Variants in FHIT observed in about 807,000 individuals in gnomAD.
The protein encoded by FHIT is bis(5'-adenosyl)-triphosphatase.
In FHIT, 19 loss-of-function variants were observed where a neutral mutation model predicts 17.9. The observed-to-expected ratio is 1.06, with a 90% CI of 0.74 to 1.56. The LOEUF (loss-of-function observed/expected upper bound fraction) is 1.56, where lower values mean the gene tolerates loss of function less well. Ranked by LOEUF, FHIT falls within the 40% of genes most tolerant of loss-of-function variation. The pLI is 0.00. For synonymous variants in FHIT, 81 were observed against 69.7 expected, an observed-to-expected ratio of 1.16 and a Z score of -0.81; for missense variants, 248 against 189.2, an observed-to-expected ratio of 1.31 and a Z score of -1.82.
chr3:60,424,388 T>C (rs947889334), intron 5 of FHIT, among the ~76,000 whole-genome samples: 3 of 152,194 alleles, frequency 2.0e-5, no homozygotes, highest in African/African-American at 4.8e-5. Context: ...TACAGGGAGA[T>C]AAAGACTGCT....
chr3:60,355,580 A>C (rs182067014), intron 5 of FHIT, among the ~76,000 whole-genome samples: 4 of 152,298 alleles, frequency 2.6e-5, no homozygotes, highest in African/African-American at 2.4e-5. Context: ...AATTGCTATT[A>C]AAAAAACTAA....
intron 4 of FHIT, among the ~76,000 whole-genome samples, chr3:60,589,572 A>ACT (rs2038015673): frequency 6.6e-6 from 1 of 152,054 alleles, no homozygotes; most frequent in South Asian, 2.1e-4. Flanking sequence ...TATAAGGAAC[A>ACT]CTCTTCTTCA....
intron 5 of FHIT, among the ~76,000 whole-genome samples, chr3:60,254,989 T>A (rs1576375666): frequency 6.6e-6 from 1 of 152,232 alleles, no homozygotes; most frequent in Admixed American, 6.5e-5. Context: ...TTTTTCATTA[T>A]CTGAGAAGAA....
chr3:61,214,497 A>G (rs568586974), intron 1 of FHIT, among the ~76,000 whole-genome samples: 1 of 152,334 alleles, frequency 6.6e-6, no homozygotes, highest in Non-Finnish European at 1.5e-5. Flanking sequence ...ACAGGCTCTG[A>G]AATTGTGGCA....
rs140347660 is a variant in FHIT at position 60,387,800 on chromosome 3, C to T, written c.103+149060G>A. On this transcript the variant is annotated intron_variant, in intron 5 of 9. Coordinates refer to ENST00000492590, the MANE Select transcript of FHIT (RefSeq NM_002012.4). ...TATAGTTTGCTTATGGTTTGTTTGG[C>T]CTTGCTGAGTCTCATGTTGAAATCT... Among the ~76,000 whole-genome samples the T allele has an allele frequency of 9.2e-5, 14 of 152,224 alleles. No individual in the cohort carries two copies. In the East Asian group the frequency reaches 2.3e-3, roughly 25 times the overall value.
chr3:60,234,213 A>T (rs1704650605), intron 5 of FHIT, among the ~76,000 whole-genome samples: 1 of 152,184 alleles, frequency 6.6e-6, no homozygotes, highest in Admixed American at 6.5e-5. Flanking sequence ...TAGCACAGGG[A>T]CAACAAAAAA....
chr3:60,717,580 C>T (rs1410699729), intron 4 of FHIT, among the ~76,000 whole-genome samples: 1 of 152,138 alleles, frequency 6.6e-6, no homozygotes, highest in African/African-American at 2.4e-5. Flanking sequence ...ACACCTTGCA[C>T]AAAGGTATAC....
At chr3:60,757,991 G>A (rs890582532) in intron 4 of FHIT, among the ~76,000 whole-genome samples, 1 of 152,114 alleles carries the variant, frequency 6.6e-6, no homozygotes. Context: ...CATGGACTAC[G>A]GCCCAGGGCT....
chr3:61,201,392 A>T (rs564309455), intron 1 of FHIT, among the ~76,000 whole-genome samples: 2 of 152,344 alleles, frequency 1.3e-5, no homozygotes, highest in South Asian at 4.1e-4. Flanking sequence ...TGGTTCTTTA[A>T]TCATCCAATC....
intron 8 of FHIT, among the ~76,000 whole-genome samples, chr3:59,777,554 T>G (rs767493801): frequency 5.3e-5 from 8 of 152,196 alleles, no homozygotes; most frequent in Non-Finnish European, 1.2e-4. Flanking sequence ...CCAAAGGGCC[T>G]ATTTCTCTCC....
rs140013343 is a variant in FHIT at position 59,753,765 on chromosome 3, G to A, written c.349-1444C>T. Among the ~76,000 whole-genome samples the A allele has an allele frequency of 4.1e-3, 629 of 152,216 alleles. 2 individuals carry two copies. Among genetic ancestry groups the A allele is most frequent in the African/African-American group, 0.015 (608 of 41,534 alleles). Reference sequence around the variant, plus strand: ...TGACGCTACTTAACCCCATGTTACTGTGGAGGAAACTGAGTTCTGAGGAAG... The same window carrying A: ...TGACGCTACTTAACCCCATGTTACTATGGAGGAAACTGAGTTCTGAGGAAG... On this transcript the variant is annotated intron_variant, in intron 8 of 9. Transcript: ENST00000492590.
chr3:59,752,698 G>A (rs1037469834), intron 8 of FHIT, among the ~76,000 whole-genome samples: 2 of 151,974 alleles, frequency 1.3e-5, no homozygotes, highest in Admixed American at 1.3e-4. Context: ...TGAGTTATTG[G>A]GGGACCTTAT....
intron 5 of FHIT, among the ~76,000 whole-genome samples, chr3:60,358,859 G>A (rs891618214): frequency 6.6e-6 from 1 of 152,156 alleles, no homozygotes; most frequent in African/African-American, 2.4e-5. Context: ...CTATAAAATG[G>A]AGTAATAATG....
chr3:59,923,289 C>T (rs906137245), intron 7 of FHIT, among the ~76,000 whole-genome samples: 3 of 141,282 alleles, frequency 2.1e-5, no homozygotes, highest in Non-Finnish European at 3.0e-5. Flanking sequence ...CTCCACTTTA[C>T]AGAAGAAGAT....
intron 3 of FHIT, among the ~76,000 whole-genome samples, chr3:61,013,435 T>C (rs1341997824): frequency 6.6e-6 from 1 of 152,204 alleles, no homozygotes; most frequent in Non-Finnish European, 1.5e-5. Context: ...TCTCCAGTGC[T>C]TTTGAAATAT....
chr3:60,412,853 A>G (rs977478536), intron 5 of FHIT, among the ~76,000 whole-genome samples: 15 of 152,138 alleles, frequency 9.9e-5, no homozygotes, highest in African/African-American at 3.4e-4. Flanking sequence ...TGTGATCATA[A>G]GTAAGTTATC....
rs561444515 is a variant in FHIT at position 60,930,212 on chromosome 3, A to C, written c.-110-108201T>G. 5.9e-5 allele frequency among the ~76,000 whole-genome samples: 9 copies of C among 152,250 alleles called. No homozygotes were observed. The South Asian group carries it at 1.9e-3, about 32-fold the overall frequency. ...CTTCCTTATACCTTATACAAAAATT[A>C]ATTCAAGATGGATTAAAGACTTAAA... On this transcript the variant is annotated intron_variant, in intron 3 of 9. Coordinates refer to ENST00000492590, the MANE Select transcript of FHIT (RefSeq NM_002012.4).
intron 2 of FHIT, among the ~76,000 whole-genome samples, chr3:61,079,075 T>C (rs553297646): frequency 2.6e-5 from 4 of 152,304 alleles, no homozygotes; most frequent in Non-Finnish European, 5.9e-5. Context: ...CTAGAGATTG[T>C]TCTCAAAATG....
chr3:60,209,434 T>A (rs1703349617), intron 5 of FHIT, among the ~76,000 whole-genome samples: 1 of 152,194 alleles, frequency 6.6e-6, no homozygotes, highest in Non-Finnish European at 1.5e-5. Context: ...TGTCATTCAC[T>A]ATGTGATACT....
Sources: gnomAD v4.1 joint callset for allele counts (sites outside exome capture counted in the v4.1 genomes callset) on GRCh38, gnomAD v4.1.1 for gene constraint, MANE v1.5 for transcripts, NCBI Gene and HGNC (gene_info 2026-07-23, HGNC 2026-07-21) for gene names.